WDR19: variants seen among roughly 807,000 people sequenced by gnomAD.
WDR19 encodes WD repeat-containing protein 19.
Under a neutral mutation model 180.0 loss-of-function variants are expected in WDR19, and 121 were observed. That is an observed-to-expected ratio of 0.67 (90% CI 0.58 to 0.78). WDR19 has a LOEUF of 0.78. Among genes scored for constraint, WDR19 ranks in the 30% least tolerant of loss-of-function variants. The pLI, the probability that WDR19 is intolerant of heterozygous loss-of-function variation, is 0.00. For missense variants in WDR19, 1,450 were observed against 1,640.7 expected (o/e 0.88, Z 2.01); for synonymous variants, 497 against 540.7 (o/e 0.92, Z 1.12).
At chr4:39,280,101 G>GT (rs1032649059) in intron 36 of WDR19, among the ~76,000 whole-genome samples, 42 of 128,618 alleles carry the variant, frequency 3.3e-4, no homozygotes, top group Middle Eastern at 4.8e-3. Context: ...TTTTTTGTGG[G>GT]TTTTTTTCCC....
chr4:39,234,134 G>T (rs533220956), intron 19 of WDR19, among the ~76,000 whole-genome samples: 1 of 152,162 alleles, frequency 6.6e-6, no homozygotes, highest in African/African-American at 2.4e-5. Context: ...TAATCCCCTA[G>T]AACAGTATCT....
At chr4:39,216,052 A>G (rs1729037503) in intron 11 of WDR19, 39 bp downstream of exon 11, 1 of 1,535,656 alleles carries the variant, frequency 6.5e-7, no homozygotes, top group Non-Finnish European at 8.7e-7. Flanking sequence ...TTTATTAATA[A>G]AATAAGTTTA....
At chr4:39,260,706 T>C (rs1276031976) in intron 28 of WDR19, among the ~76,000 whole-genome samples, 1 of 152,192 alleles carries the variant, frequency 6.6e-6, no homozygotes, top group African/African-American at 2.4e-5. Context: ...GGTTGACTTC[T>C]GGAGTTTGGG....
chr4:39,285,158 A>AT (rs2109551024), intron 36 of WDR19, among the ~76,000 whole-genome samples: 1 of 152,190 alleles, frequency 6.6e-6, no homozygotes, highest in Admixed American at 6.5e-5. Flanking sequence ...TTAGACAAAT[A>AT]TAACTGTTTA....
rs1577809294 is a variant in WDR19 at position 39,182,577 on chromosome 4, A to G, written c.6+14A>G. On this transcript the variant is annotated intron_variant, in intron 1 of 36. Coordinates refer to ENST00000399820, the MANE Select transcript of WDR19 (RefSeq NM_025132.4). ...GTGGAGATGAAGGTAAATAACTTAC[A>G]AATTCCCGGGGTGGGGCGGGAAAAC... 6.2e-7 allele frequency: 1 copy of G among 1,613,690 alleles called. No individual in the cohort carries two copies. Among genetic ancestry groups the G allele is most frequent in the Non-Finnish European group, 8.5e-7 (1 of 1,179,780 alleles).
At chr4:39,221,980 T>C (rs1228359706) in intron 14 of WDR19, among the ~76,000 whole-genome samples, 1 of 152,204 alleles carries the variant, frequency 6.6e-6, no homozygotes, top group Non-Finnish European at 1.5e-5. Context: ...TCTATCAACA[T>C]TCATGTTCAA....
At chr4:39,242,652 A>G (rs1242204775) in intron 21 of WDR19, among the ~76,000 whole-genome samples, 4 of 151,930 alleles carry the variant, frequency 2.6e-5, no homozygotes, top group Non-Finnish European at 5.9e-5. Context: ...CAAGACCCCC[A>G]TCTCTACAAA....
chr4:39,217,314 T>C (rs1729167749), intron 13 of WDR19, 74 bp downstream of exon 13: 5 of 1,250,140 alleles, frequency 4.0e-6, no homozygotes, highest in Non-Finnish European at 5.7e-6. Flanking sequence ...ATCAAGAATA[T>C]TGGTCAGGAA....
At chr4:39,236,276 TACACAC>T (rs572973145) in intron 20 of WDR19, among the ~76,000 whole-genome samples, 3 of 150,000 alleles carry the variant, frequency 2.0e-5, no homozygotes, top group Non-Finnish European at 3.0e-5. Flanking sequence ...AAATGTGGTA[TACACAC>T]ACACACACAC....
At chr4:39,223,069 G>A (rs754142867) in intron 14 of WDR19, among the ~76,000 whole-genome samples, 1 of 152,068 alleles carries the variant, frequency 6.6e-6, no homozygotes, top group Non-Finnish European at 1.5e-5. Flanking sequence ...TTATTGAGTC[G>A]TATTCCATGG....
At chr4:39,207,647 G>A (rs933093505) in intron 9 of WDR19, among the ~76,000 whole-genome samples, 1 of 152,186 alleles carries the variant, frequency 6.6e-6, no homozygotes, top group Non-Finnish European at 1.5e-5. Context: ...TCTTTATCCG[G>A]TGACAATGTA....
chr4:39,245,586 C>A, intron 24 of WDR19, 134 bp downstream of exon 24: 1 of 830,546 alleles, frequency 1.2e-6, no homozygotes, highest in Non-Finnish European at 1.9e-6. Context: ...CCCTTGTTGG[C>A]CTGAAGTGCC....
chr4:39,223,963 C>T (rs1165933213), intron 14 of WDR19, among the ~76,000 whole-genome samples: 2 of 151,910 alleles, frequency 1.3e-5, no homozygotes, highest in Non-Finnish European at 1.5e-5. Flanking sequence ...TGTTAATTTC[C>T]CATCCATGAA....
rs571079941 is a variant in WDR19 at position 39,184,566 on chromosome 4, A to G, written c.7-1160A>G. Reference sequence around the variant, plus strand: ...ACTGCAACCTCCACCTCCCGGGTTCAAGGGATTCTCGTGCCTCAGCCTCCC... The same window carrying G: ...ACTGCAACCTCCACCTCCCGGGTTCGAGGGATTCTCGTGCCTCAGCCTCCC... On this transcript the variant is annotated intron_variant, in intron 1 of 36. Transcript: ENST00000399820. Among the ~76,000 whole-genome samples the G allele has an allele frequency of 2.5e-4, 38 of 152,122 alleles. No homozygotes were observed. The South Asian group carries it at 7.9e-3, about 32-fold the overall frequency.
intron 5 of WDR19, among the ~76,000 whole-genome samples, chr4:39,196,175 T>C (rs1577847617): frequency 6.6e-6 from 1 of 152,340 alleles, no homozygotes; most frequent in East Asian, 1.9e-4. Context: ...CCTTAATCTA[T>C]GATCAGCAAA....
intron 7 of WDR19, among the ~76,000 whole-genome samples, chr4:39,204,841 T>C (rs1474125468): frequency 1.3e-5 from 2 of 152,180 alleles, no homozygotes; most frequent in Non-Finnish European, 2.9e-5. Flanking sequence ...TCATTTGCAG[T>C]GGAACTGTCA....
intron 5 of WDR19, chr4:39,194,882 T>C: frequency 2.1e-6 from 1 of 472,384 alleles, no homozygotes; most frequent in Non-Finnish European, 3.8e-6. Flanking sequence ...AAAGTCAGGC[T>C]GTGCCTTTCG....
intron 5 of WDR19, among the ~76,000 whole-genome samples, chr4:39,197,110 C>A (rs931210099): frequency 2.0e-5 from 3 of 152,068 alleles, no homozygotes; most frequent in East Asian, 1.9e-4. Context: ...CTATTATTCC[C>A]AATTTATGGA....
At chr4:39,192,175 T>G (rs1184891572) in intron 4 of WDR19, among the ~76,000 whole-genome samples, 1 of 152,244 alleles carries the variant, frequency 6.6e-6, no homozygotes, top group Non-Finnish European at 1.5e-5. Flanking sequence ...TTTATCTTAT[T>G]ATATATGATC....
Sources: gnomAD v4.1 joint callset for allele counts (sites outside exome capture counted in the v4.1 genomes callset) on GRCh38, gnomAD v4.1.1 for gene constraint, MANE v1.5 for transcripts, NCBI Gene and HGNC (gene_info 2026-07-23, HGNC 2026-07-21) for gene names.